Variants in FOXP1 observed in about 807,000 individuals in gnomAD.
The protein encoded by FOXP1 is forkhead box P1.
In FOXP1, 15 loss-of-function variants were observed where a neutral mutation model predicts 98.2. The ratio of observed to expected loss-of-function variants is 0.15; its 90% CI spans 0.10 to 0.24. The LOEUF is 0.24. FOXP1 is among the 10% of genes least tolerant of loss of function. The pLI is 1.00. For synonymous variants in FOXP1, 371 were observed against 314.5 expected (o/e 1.18, Z -1.90); for missense variants, 633 against 848.5 (o/e 0.75, Z 3.15).
chr3:71,564,901 G>A (rs1341567218), intron 2 of FOXP1, among the ~76,000 whole-genome samples: 1 of 152,106 alleles, frequency 6.6e-6, no homozygotes, highest in Non-Finnish European at 1.5e-5. Flanking sequence ...GATCACCTGA[G>A]GTCAGGAGTT....
chr3:71,557,312 T>C (rs2107706387), intron 2 of FOXP1, among the ~76,000 whole-genome samples: 1 of 151,778 alleles, frequency 6.6e-6, no homozygotes, highest in East Asian at 1.9e-4. Flanking sequence ...ATTATCTCCA[T>C]ATTATCTTCC....
chr3:71,224,493 G>C (rs2065671720), intron 5 of FOXP1, among the ~76,000 whole-genome samples: 1 of 152,200 alleles, frequency 6.6e-6, no homozygotes, highest in Non-Finnish European at 1.5e-5. Context: ...CAGTGATTAA[G>C]TACAATCCGC....
At chr3:71,420,253 T>C (rs1560460137) in intron 3 of FOXP1, among the ~76,000 whole-genome samples, 1 of 152,160 alleles carries the variant, frequency 6.6e-6, no homozygotes, top group Non-Finnish European at 1.5e-5. Flanking sequence ...TTAGGTATAT[T>C]ATACTACAAA....
chr3:71,120,006 A>G (rs1400136714), intron 6 of FOXP1, among the ~76,000 whole-genome samples: 1 of 152,258 alleles, frequency 6.6e-6, no homozygotes, highest in African/African-American at 2.4e-5. Context: ...AGATGTTCAA[A>G]GAAAGATTCC....
Position 71,084,181 on chromosome 3 carries a change from TC to T in FOXP1, c.282+28354del, listed in dbSNP as rs569530443. ...TTCTTTCAAGGGTATGCCTGCAACATCACTTTGAAATTCAGTAAAGTATCTT... is the reference window on the plus strand; with the variant it reads ...TTCTTTCAAGGGTATGCCTGCAACATACTTTGAAATTCAGTAAAGTATCTT... On this transcript the variant is annotated intron_variant, in intron 7 of 20. Transcript: ENST00000649528. Among the ~76,000 whole-genome samples, 564 of 152,294 alleles carry T rather than the reference TC, an allele frequency of 3.7e-3. 3 individuals carry two copies. The highest frequency in any genetic ancestry group is 5.8e-3 in the Non-Finnish European group (395 of 68,020).
At chr3:71,399,142 A>G (rs1403985953) in intron 3 of FOXP1, among the ~76,000 whole-genome samples, 1 of 152,254 alleles carries the variant, frequency 6.6e-6, no homozygotes, top group Admixed American at 6.5e-5. Flanking sequence ...ATTTGGGTTT[A>G]TGAAATTTAA....
intron 5 of FOXP1, among the ~76,000 whole-genome samples, chr3:71,267,197 T>C (rs1194086084): frequency 2.0e-5 from 3 of 151,796 alleles, no homozygotes; most frequent in Non-Finnish European, 2.9e-5. Flanking sequence ...GAATATACCA[T>C]AAATTTTGTA....
intron 5 of FOXP1, among the ~76,000 whole-genome samples, chr3:71,213,158 G>C (rs1440659857): frequency 6.6e-6 from 1 of 152,106 alleles, no homozygotes; most frequent in Admixed American, 6.5e-5. Context: ...AAACTCTAAT[G>C]TAAAAAGAAA....
At chr3:71,253,545 T>C (rs1257809927) in intron 5 of FOXP1, among the ~76,000 whole-genome samples, 2 of 152,232 alleles carry the variant, frequency 1.3e-5, no homozygotes, top group African/African-American at 4.8e-5. Flanking sequence ...GCAATATTAC[T>C]ATGAAGTATG....
At chr3:71,497,616 T>C (rs549638500) in intron 2 of FOXP1, among the ~76,000 whole-genome samples, 5 of 152,240 alleles carry the variant, frequency 3.3e-5, no homozygotes, top group African/African-American at 1.2e-4. Flanking sequence ...CTTAAACAAG[T>C]TCCAGGAATC....
intron 2 of FOXP1, among the ~76,000 whole-genome samples, chr3:71,540,753 T>C (rs2044738777): frequency 6.6e-6 from 1 of 152,226 alleles, no homozygotes; most frequent in Admixed American, 6.5e-5. Context: ...TCCAAATGTG[T>C]GCACTATGCT....
At position 71,499,789 on chromosome 3, in the gene FOXP1, T is replaced by G. The variant is rs561945440; in HGVS notation, c.-297-6234A>C. Among the ~76,000 whole-genome samples the G allele has an allele frequency of 9.8e-5, 15 of 152,354 alleles. 1 individual carries two copies. The South Asian group carries it at 2.9e-3, about 29-fold the overall frequency. ...GGGCTCCATCACCAACTCCTGTGAATAACTTTTTGACAATGCTGAACCCAG... is the reference window on the plus strand; with the variant it reads ...GGGCTCCATCACCAACTCCTGTGAAGAACTTTTTGACAATGCTGAACCCAG... On this transcript the variant is annotated intron_variant, in intron 2 of 20. Transcript: ENST00000649528.
At chr3:71,144,618 C>T (rs940356019) in intron 6 of FOXP1, among the ~76,000 whole-genome samples, 8 of 152,148 alleles carry the variant, frequency 5.3e-5, no homozygotes, top group African/African-American at 9.7e-5. Flanking sequence ...CCTGACAGAA[C>T]GGGCGAGGAG....
intron 7 of FOXP1, among the ~76,000 whole-genome samples, chr3:71,060,947 T>C (rs189932450): frequency 6.6e-6 from 1 of 152,268 alleles, no homozygotes; most frequent in African/African-American, 2.4e-5. Flanking sequence ...TCGAAATTAA[T>C]TTCTCCTCAA....
chr3:71,302,563 GC>G (rs1207159708), intron 4 of FOXP1, among the ~76,000 whole-genome samples: 1 of 147,308 alleles, frequency 6.8e-6, no homozygotes, highest in African/African-American at 2.5e-5. Flanking sequence ...TTCCCCTCCA[GC>G]CCACTTGTCT....
At chr3:71,450,586 T>C (rs1344504539) in intron 3 of FOXP1, among the ~76,000 whole-genome samples, 1 of 152,244 alleles carries the variant, frequency 6.6e-6, no homozygotes, top group African/African-American at 2.4e-5. Flanking sequence ...TCTAGTGTAC[T>C]GTGATATTCT....
At chr3:71,201,734 C>G (rs965879894) in intron 5 of FOXP1, among the ~76,000 whole-genome samples, 6 of 151,716 alleles carry the variant, frequency 4.0e-5, no homozygotes, top group African/African-American at 1.5e-4. Flanking sequence ...GCAAGGAAAT[C>G]CATCTAATTA....
chr3:71,396,544 C>T (rs1355387583), intron 3 of FOXP1, among the ~76,000 whole-genome samples: 1 of 151,934 alleles, frequency 6.6e-6, no homozygotes. Context: ...AAGCTTCCTA[C>T]CAAGCACTAA....
chr3:70,980,939 G>T (rs1466406266), intron 14 of FOXP1, among the ~76,000 whole-genome samples: 1 of 152,118 alleles, frequency 6.6e-6, no homozygotes, highest in Non-Finnish European at 1.5e-5. Context: ...TCTGAAAGAT[G>T]CAATGAAAAT....
Sources: allele counts gnomAD v4.1 joint callset (sites outside exome capture counted in the v4.1 genomes callset), GRCh38; gene constraint gnomAD v4.1.1; transcripts MANE v1.5; gene names NCBI Gene and HGNC (gene_info 2026-07-23, HGNC 2026-07-21).